Variants in MTCH2 observed in about 807,000 individuals in gnomAD.
MTCH2 encodes the protein mitochondrial carrier 2.
In MTCH2, 25 loss-of-function variants were observed where a neutral mutation model predicts 50.6. The ratio of observed to expected loss-of-function variants is 0.49; its 90% confidence interval spans 0.36 to 0.69. MTCH2 has a LOEUF of 0.69. Ranked by LOEUF, MTCH2 falls within the 30% of genes least tolerant of loss-of-function variation. MTCH2 has a pLI of 0.00. For missense variants in MTCH2, 273 were observed against 384.4 expected (o/e 0.71, Z 2.42); for synonymous variants, 106 against 132.0 (o/e 0.80, Z 1.35).
intron 3 of MTCH2, among the ~76,000 whole-genome samples, chr11:47,636,357 C>T (rs2097308540): frequency 6.6e-6 from 1 of 151,484 alleles, no homozygotes; most frequent in Non-Finnish European, 1.5e-5. Context: ...TTGCTTGAAC[C>T]CGGGGGGTAA....
chr11:47,624,057 TAAC>T (rs988248095), intron 11 of MTCH2, among the ~76,000 whole-genome samples: 1 of 149,922 alleles, frequency 6.7e-6, no homozygotes, highest in African/African-American at 2.5e-5. Flanking sequence ...GTCTCAACAA[TAAC>T]AACAACAAAA....
the MTCH2 span, among the ~76,000 whole-genome samples, chr11:47,604,744 A>G: frequency 6.6e-6 from 1 of 152,218 alleles, no homozygotes. Context: ...CTGATGAAAT[A>G]ATCGCTAAGA....
intron 5 of MTCH2, 152 bp from the exon 6 acceptor site, chr11:47,631,863 A>G: frequency 1.5e-6 from 1 of 667,892 alleles, no homozygotes; most frequent in Non-Finnish European, 2.6e-6. Context: ...TTTGAATGGG[A>G]TGTGAAAGAT....
At chr11:47,611,642 C>A in the MTCH2 span, among the ~76,000 whole-genome samples, 1 of 152,170 alleles carries the variant, frequency 6.6e-6, no homozygotes, top group African/African-American at 2.4e-5. Flanking sequence ...GATTTGTTTC[C>A]TTATTTGCTG....
chr11:47,614,463 GTTTTTCT>G (rs893842884), downstream of MTCH2, among the ~76,000 whole-genome samples: 2 of 152,056 alleles, frequency 1.3e-5, no homozygotes, highest in African/African-American at 2.4e-5. Flanking sequence ...TGACCAGCTA[GTTTTTCT>G]TTTTTCTTTT....
At chr11:47,604,516 G>A in the MTCH2 span, among the ~76,000 whole-genome samples, 1 of 152,132 alleles carries the variant, frequency 6.6e-6, no homozygotes, top group Non-Finnish European at 1.5e-5. Flanking sequence ...TCAGATACAT[G>A]CCCACTTGTT....
chr11:47,637,046 A>G (rs1347676773), intron 3 of MTCH2, among the ~76,000 whole-genome samples: 2 of 151,308 alleles, frequency 1.3e-5, no homozygotes, highest in Non-Finnish European at 2.9e-5. Flanking sequence ...CTGGAGTGCA[A>G]TGGTTCAATC....
downstream of MTCH2, among the ~76,000 whole-genome samples, chr11:47,616,812 T>C (rs926256904): frequency 1.3e-5 from 2 of 151,898 alleles, no homozygotes; most frequent in African/African-American, 2.4e-5. Context: ...GCCTCCCGCA[T>C]AGCTGGGATT....
chr11:47,639,867 A>C (rs559659310), intron 1 of MTCH2, among the ~76,000 whole-genome samples: 35 of 152,108 alleles, frequency 2.3e-4, no homozygotes, highest in African/African-American at 8.2e-4. Context: ...CGAACAAACA[A>C]AAAAACACAG....
At chr11:47,611,799 G>A in the MTCH2 span, among the ~76,000 whole-genome samples, 2 of 152,178 alleles carry the variant, frequency 1.3e-5, no homozygotes, top group Non-Finnish European at 2.9e-5. Context: ...CTTTTTCAGA[G>A]TTGCAATAAG....
the MTCH2 span, among the ~76,000 whole-genome samples, chr11:47,607,918 GTTCCCTCC>G: frequency 6.6e-6 from 1 of 152,156 alleles, no homozygotes; most frequent in Non-Finnish European, 1.5e-5. Context: ...AAAACCACGA[GTTCCCTCC>G]TCTCATTAAG....
At position 47,626,883 on chromosome 11, in the gene MTCH2, G is replaced by A. The variant is rs1282500657; in HGVS notation, c.681+197C>T. Among the ~76,000 whole-genome samples the A allele has an allele frequency of 4.6e-5, 7 of 152,266 alleles. No homozygotes were observed. The East Asian group carries it at 5.8e-4, about 13-fold the overall frequency. Reference sequence around the variant, plus strand: ...CCACCTCACCTTCCCAAAGTGCTAGGATTACAGGCATGAGCCATGGCGCCT... The same window carrying A: ...CCACCTCACCTTCCCAAAGTGCTAGAATTACAGGCATGAGCCATGGCGCCT... On this transcript the variant is annotated intron_variant, in intron 10 of 12. Transcript: ENST00000302503.
At chr11:47,626,012 T>G (rs1379237941) in intron 10 of MTCH2, among the ~76,000 whole-genome samples, 1 of 151,866 alleles carries the variant, frequency 6.6e-6, no homozygotes, top group East Asian at 1.9e-4. Context: ...CATACCCAAC[T>G]ACTTTTTTTT....
intron 11 of MTCH2, among the ~76,000 whole-genome samples, chr11:47,624,185 T>C (rs1166302961): frequency 6.6e-6 from 1 of 150,882 alleles, no homozygotes; most frequent in Non-Finnish European, 1.5e-5. Context: ...TGAGTCGAGA[T>C]TGCACCACTG....
At chr11:47,623,375 TTA>T (rs781344518) in intron 11 of MTCH2, among the ~76,000 whole-genome samples, 51 of 122,514 alleles carry the variant, frequency 4.2e-4, no homozygotes, top group East Asian at 1.4e-3. Flanking sequence ...CAGTCTTTTT[TTA>T]AAAAAAAAAA....
In MTCH2 at chr11:47,618,296, C is replaced by A; in HGVS notation, c.*537G>T. ...ACACAGACTTTCTAGGGTAATGTAG[C>A]AATGTACTGTCCTTTTCTTGAAGTA... On this transcript the variant is annotated 3_prime_UTR_variant, in exon 13 of 13. Coordinates refer to ENST00000302503, the MANE Select transcript of MTCH2 (RefSeq NM_014342.4). 1 of 166,174 alleles carries A rather than the reference C, an allele frequency of 6.0e-6. No individual in the cohort carries two copies. Among genetic ancestry groups the A allele is most frequent in the Non-Finnish European group, 1.3e-5 (1 of 78,504 alleles). The allele number at this position is 166,174 out of a possible 1,614,324, so 10.3% of individuals were successfully genotyped here.
intron 4 of MTCH2, 34 bp from the exon 5 acceptor site, chr11:47,634,768 GA>G: frequency 1.3e-6 from 1 of 751,684 alleles, no homozygotes; most frequent in Non-Finnish European, 2.0e-6. Flanking sequence ...TAGAGATCTT[GA>G]TTTTTTTTTT....
chr11:47,604,438 G>A, the MTCH2 span, among the ~76,000 whole-genome samples: 1 of 152,172 alleles, frequency 6.6e-6, no homozygotes, highest in Non-Finnish European at 1.5e-5. Context: ...CAATTGGACA[G>A]TATCTACCAA....
intron 1 of MTCH2, 29 bp from the exon 2 acceptor site, chr11:47,639,080 T>C: frequency 6.5e-7 from 1 of 1,534,360 alleles, no homozygotes; most frequent in South Asian, 1.2e-5. Flanking sequence ...ATATCAATAT[T>C]AAAGCAATAT....
Sources: allele counts gnomAD v4.1 joint callset (sites outside exome capture counted in the v4.1 genomes callset), GRCh38; gene constraint gnomAD v4.1.1; transcripts MANE v1.5; gene names NCBI Gene and HGNC (gene_info 2026-07-23, HGNC 2026-07-21).